DENND2C: variants seen among roughly 807,000 people sequenced by gnomAD.
DENND2C encodes DENN domain containing 2C.
A neutral mutation model predicts 112.4 loss-of-function variants in DENND2C; 72 were observed. The ratio of observed to expected loss-of-function variants is 0.64; its 90% CI spans 0.53 to 0.78. The LOEUF (loss-of-function observed/expected upper bound fraction) is 0.78. Ranked by LOEUF, DENND2C falls within the 30% of genes least tolerant of loss-of-function variation. The pLI is 0.00. For missense variants in DENND2C, 992 were observed against 1,113.8 expected (o/e 0.89, Z 1.56); for synonymous variants, 329 against 381.6 (o/e 0.86, Z 1.61).
At position 114,602,154 on chromosome 1, in the gene DENND2C, G is replaced by T; in HGVS notation, c.1708C>A (p.Arg570=). The T allele has an allele frequency of 6.2e-7, 1 of 1,613,652 alleles. No individual in the cohort carries two copies. The highest frequency in any genetic ancestry group is 8.5e-7 in the Non-Finnish European group (1 of 1,179,830). Residue 570 remains arginine (R), a synonymous_variant, in exon 12 of 21, where the codon CGG becomes AGG. Transcript: ENST00000393274. ...SFVLTGEDGS[R]WFGYCKKLLP... is the part of the protein sequence containing the mutation. ...AGCTTCTTACAGTAACCAAACCACC[G>T]GCTTCCATCTTCACCAGTCAAGACA... is the stretch of plus-strand genomic sequence containing the variant.
intron 1 of DENND2C, among the ~76,000 whole-genome samples, chr1:114,658,013 A>G (rs1321158699): frequency 6.6e-5 from 10 of 152,232 alleles, no homozygotes; most frequent in Admixed American, 2.0e-4. Context: ...ATGATAAAAG[A>G]AAGATAAGAG....
Position 114,585,377 on chromosome 1 carries a change from A to G in DENND2C, c.*223T>C. 2.2e-6 allele frequency: 1 copy of G among 450,610 alleles called. No individual in the cohort carries two copies. The highest frequency in any genetic ancestry group is 4.0e-6 in the Non-Finnish European group (1 of 249,182). 27.9% of individuals were successfully genotyped at this position (450,610 alleles called of 1,614,324 possible). On this transcript the variant is annotated 3_prime_UTR_variant, in exon 21 of 21. Coordinates refer to ENST00000393274, the MANE Select transcript of DENND2C (RefSeq NM_001256404.2). ...TAGAAAAGGCTGCTATAAAAAAAAA[A>G]TGGAGACAGAGTAAAGATGGCATGG...
intron 15 of DENND2C, 83 bp from the exon 16 acceptor site, chr1:114,599,534 A>G: frequency 8.5e-7 from 1 of 1,176,202 alleles, no homozygotes; most frequent in Non-Finnish European, 1.1e-6. Context: ...AGAATTAAAA[A>G]TTGATGCTGG....
chr1:114,602,943 T>C (rs541219200), intron 11 of DENND2C, among the ~76,000 whole-genome samples: 2 of 152,340 alleles, frequency 1.3e-5, no homozygotes, highest in South Asian at 4.1e-4. Context: ...TATTTCTCAG[T>C]TCCAAATTCT....
At chr1:114,607,299 G>C (rs1328591655) in intron 10 of DENND2C, among the ~76,000 whole-genome samples, 1 of 152,182 alleles carries the variant, frequency 6.6e-6, no homozygotes, top group Non-Finnish European at 1.5e-5. Context: ...GATGGTGACT[G>C]CAGATCATTA....
chr1:114,664,180 T>A (rs908257870), intron 1 of DENND2C, among the ~76,000 whole-genome samples: 3 of 152,148 alleles, frequency 2.0e-5, no homozygotes, highest in African/African-American at 7.2e-5. Context: ...GCTCAAGTGA[T>A]CTTCCCATCT....
rs1656340431 is a variant in DENND2C at position 114,626,285 on chromosome 1, T to C, written c.-204-97A>G. 5 of 252,500 alleles carry C rather than the reference T, an allele frequency of 2.0e-5. No individual in the cohort carries two copies. The South Asian group carries it at 3.9e-4, about 20-fold the overall frequency. The allele number at this position is 252,500 out of a possible 1,614,324, so 15.6% of individuals were successfully genotyped here. On this transcript the variant is annotated intron_variant, in intron 3 of 20. Transcript: ENST00000393274. ...CCCACCTATCCCTACATAATTCATA[T>C]ACATTGCATATGTAAAAACATACCT... is the stretch of plus-strand genomic sequence containing the variant.
chr1:114,661,841 A>C (rs1242240103), intron 1 of DENND2C, among the ~76,000 whole-genome samples: 1 of 152,210 alleles, frequency 6.6e-6, no homozygotes, highest in South Asian at 2.1e-4. Flanking sequence ...AAATACAATT[A>C]TCACCAGACT....
intron 1 of DENND2C, among the ~76,000 whole-genome samples, chr1:114,658,787 A>C (rs1176067716): frequency 9.3e-6 from 1 of 108,012 alleles, no homozygotes; most frequent in Non-Finnish European, 2.6e-5. Context: ...CTTTAGTCTT[A>C]ATACAAAATG....
At chr1:114,664,182 T>C (rs183227922) in intron 1 of DENND2C, among the ~76,000 whole-genome samples, 4 of 152,234 alleles carry the variant, frequency 2.6e-5, no homozygotes, top group Admixed American at 2.0e-4. Flanking sequence ...TCAAGTGATC[T>C]TCCCATCTTG....
intron 9 of DENND2C, among the ~76,000 whole-genome samples, chr1:114,610,716 A>G (rs1655793115): frequency 6.6e-6 from 1 of 151,932 alleles, no homozygotes; most frequent in South Asian, 2.1e-4. Context: ...AAAAAAAAAA[A>G]ATCAGATATT....
chr1:114,608,743 C>A lies in DENND2C; in HGVS notation c.1500G>T (p.Gln500His), dbSNP rs1268379909. Residue 500 changes from glutamine (Q) to histidine (H), a missense_variant, in exon 10 of 21, where the codon CAG becomes CAT. Coordinates refer to ENST00000393274, the MANE Select transcript of DENND2C (RefSeq NM_001256404.2). ...LFELFVVVSL[Q>H]KKPSGISYIP... The stretch of plus-strand genomic sequence containing the variant: ...TATAGCTTATTCCTGATGGTTTCTT[C>A]TGTAGAGACACCACCACAAAAAGTT... The A allele has an allele frequency of 5.0e-6, 8 of 1,614,056 alleles. No individual in the cohort carries two copies. In the South Asian group the frequency reaches 5.5e-5, roughly 11 times the overall value.
intron 10 of DENND2C, 73 bp downstream of exon 10, chr1:114,608,613 A>G: frequency 6.6e-7 from 1 of 1,515,160 alleles, no homozygotes; most frequent in Non-Finnish European, 8.9e-7. Flanking sequence ...AACAAAAACC[A>G]AGAGGACAGG....
At chr1:114,628,184 G>C (rs1348045038) in intron 3 of DENND2C, among the ~76,000 whole-genome samples, 3 of 151,888 alleles carry the variant, frequency 2.0e-5, no homozygotes, top group Non-Finnish European at 4.4e-5. Flanking sequence ...GTGCATGGTG[G>C]CATGTACCTG....
intron 10 of DENND2C, among the ~76,000 whole-genome samples, chr1:114,605,598 C>G (rs1211775941): frequency 6.6e-6 from 1 of 152,172 alleles, no homozygotes; most frequent in Non-Finnish European, 1.5e-5. Context: ...TGGAGACCAG[C>G]CTGGGCAACA....
At chr1:114,589,211 C>T (rs557101917) in intron 18 of DENND2C, among the ~76,000 whole-genome samples, 1 of 152,222 alleles carries the variant, frequency 6.6e-6, no homozygotes, top group Admixed American at 6.5e-5. Flanking sequence ...ATATCCAAAT[C>T]GTCTTTTTCC....
At chr1:114,623,881 C>T (rs781680050) in intron 4 of DENND2C, among the ~76,000 whole-genome samples, 29 of 152,002 alleles carry the variant, frequency 1.9e-4, no homozygotes, top group Non-Finnish European at 3.4e-4. Context: ...GGATTAGAGG[C>T]GCGTGCCACC....
At chr1:114,664,052 C>T (rs1657579301) in intron 1 of DENND2C, among the ~76,000 whole-genome samples, 2 of 151,650 alleles carry the variant, frequency 1.3e-5, no homozygotes, top group Non-Finnish European at 2.9e-5. Context: ...AATTCTCCCA[C>T]CTCAGCCTCC....
At chr1:114,630,094 C>G (rs192463188) in intron 3 of DENND2C, among the ~76,000 whole-genome samples, 1 of 151,874 alleles carries the variant, frequency 6.6e-6, no homozygotes, top group Non-Finnish European at 1.5e-5. Context: ...GCGGGCGGAT[C>G]ATGAGGTCAA....
Sources: gnomAD v4.1 joint callset for allele counts (sites outside exome capture counted in the v4.1 genomes callset) on GRCh38, gnomAD v4.1.1 for gene constraint, MANE v1.5 for transcripts, NCBI Gene and HGNC (gene_info 2026-07-23, HGNC 2026-07-21) for gene names.